The following NTMT2 variants were observed in gnomAD, a reference collection of about 807,000 sequenced individuals.
NTMT2 encodes the protein X-Pro-Lys N-terminal protein methyltransferase 1B.
A neutral mutation model predicts 23.4 loss-of-function variants in NTMT2; 21 were observed. The ratio of observed to expected loss-of-function variants is 0.90; its 90% confidence interval spans 0.64 to 1.29. The LOEUF is 1.29. Among genes scored for constraint, NTMT2 ranks in the 50% most tolerant of loss-of-function variants. The pLI is 0.00. For synonymous variants in NTMT2, 131 were observed against 127.7 expected (o/e 1.03, Z -0.17); for missense variants, 336 against 352.0 (o/e 0.95, Z 0.36).
intron 2 of NTMT2, 48 bp downstream of exon 2, chr1:170,160,741 C>T: frequency 6.9e-7 from 1 of 1,447,388 alleles, no homozygotes; most frequent in Non-Finnish European, 9.2e-7. Context: ...TCCTTGCAAA[C>T]ATTGAGCTCG....
intron 1 of NTMT2, among the ~76,000 whole-genome samples, chr1:170,160,075 C>A (rs72715956): frequency 0.058 from 8,785 of 152,106 alleles, 408 homozygotes; most frequent in Non-Finnish European, 0.091. Context: ...CCCTACCTTG[C>A]GATTAGAAGT....
At chr1:170,157,627 C>T (rs113685617) in intron 1 of NTMT2, among the ~76,000 whole-genome samples, 1 of 151,784 alleles carries the variant, frequency 6.6e-6, no homozygotes, top group Admixed American at 6.6e-5. Flanking sequence ...TTTCTGAATA[C>T]TATCCAATGT....
chr1:170,158,789 A>G (rs1033099700), intron 1 of NTMT2, among the ~76,000 whole-genome samples: 2 of 151,986 alleles, frequency 1.3e-5, no homozygotes, highest in East Asian at 1.9e-4. Flanking sequence ...TCAACTTTGT[A>G]TCTTAAAGAT....
rs933147905 is a variant in NTMT2 at position 170,164,759 on chromosome 1, C to T, written c.331-1743C>T. ...TGGAGAACTGGCTTTGGATTCAGACCGTTCCTGTTCAAATTCTAATTCTGC... is the reference window on the plus strand; with the variant it reads ...TGGAGAACTGGCTTTGGATTCAGACTGTTCCTGTTCAAATTCTAATTCTGC... On this transcript the variant is annotated intron_variant, in intron 2 of 3. Transcript: ENST00000439373. Among the ~76,000 whole-genome samples, 7 of 152,146 alleles carry T rather than the reference C, an allele frequency of 4.6e-5. No homozygotes were observed. The South Asian group carries it at 6.2e-4, about 14-fold the overall frequency.
intron 2 of NTMT2, among the ~76,000 whole-genome samples, chr1:170,162,708 A>C (rs1673296849): frequency 6.6e-6 from 1 of 152,158 alleles, no homozygotes; most frequent in Non-Finnish European, 1.5e-5. Flanking sequence ...CTGAGGCTTG[A>C]AGAGGTTAAA....
intron 1 of NTMT2, among the ~76,000 whole-genome samples, chr1:170,152,696 A>C (rs1462913813): frequency 6.6e-6 from 1 of 151,012 alleles, no homozygotes; most frequent in Admixed American, 6.6e-5. Flanking sequence ...TTTCACCAGA[A>C]ACACTGATAA....
intron 1 of NTMT2, among the ~76,000 whole-genome samples, chr1:170,154,323 C>T (rs1343862846): frequency 1.3e-5 from 2 of 151,514 alleles, no homozygotes; most frequent in African/African-American, 4.8e-5. Context: ...ACACAGAGTC[C>T]CCACTGGGGG....
In NTMT2 at chr1:170,147,061, G is replaced by A. The variant is rs542639787; in HGVS notation, c.154+800G>A. Among the ~76,000 whole-genome samples, 30 of 152,292 alleles carry A rather than the reference G, an allele frequency of 2.0e-4. No individual in the cohort carries two copies. In the South Asian group the frequency reaches 4.1e-3, roughly 21 times the overall value. On this transcript the variant is annotated intron_variant, in intron 1 of 3. Coordinates refer to ENST00000439373, the MANE Select transcript of NTMT2 (RefSeq NM_001136107.2). The stretch of plus-strand genomic sequence containing the variant: ...AGAAGGCTGTGTATCAGCCTAGTCT[G>A]TTTTCTTAAGGTCGTTTGAAAGCCC...
chr1:170,150,960 T>C (rs1482325745), intron 1 of NTMT2, among the ~76,000 whole-genome samples: 1 of 152,184 alleles, frequency 6.6e-6, no homozygotes, highest in Non-Finnish European at 1.5e-5. Flanking sequence ...TCAATGATTC[T>C]TCCAGTGCTA....
At chr1:170,159,842 G>A (rs945765492) in intron 1 of NTMT2, among the ~76,000 whole-genome samples, 1 of 152,188 alleles carries the variant, frequency 6.6e-6, no homozygotes, top group Non-Finnish European at 1.5e-5. Flanking sequence ...TTCCTCAGAA[G>A]TTGGAACACA....
At chr1:170,157,421 A>C (rs1270931256) in intron 1 of NTMT2, among the ~76,000 whole-genome samples, 3 of 152,214 alleles carry the variant, frequency 2.0e-5, no homozygotes. Context: ...GATGTGCTAC[A>C]TAGAAACTGA....
intron 1 of NTMT2, among the ~76,000 whole-genome samples, chr1:170,146,783 G>A (rs1233419120): frequency 6.6e-6 from 1 of 152,174 alleles, no homozygotes; most frequent in African/African-American, 2.4e-5. Flanking sequence ...CCTAAAAAAA[G>A]GAGATTTTAG....
At chr1:170,153,620 C>A (rs114233289) in intron 1 of NTMT2, among the ~76,000 whole-genome samples, 2,883 of 152,296 alleles carry the variant, frequency 0.019, 31 homozygotes, top group Non-Finnish European at 0.031. Flanking sequence ...AGAGTGATGA[C>A]TTAGCATATC....
chr1:170,152,066 T>C (rs1029389225), intron 1 of NTMT2, among the ~76,000 whole-genome samples: 3 of 152,274 alleles, frequency 2.0e-5, no homozygotes, highest in Admixed American at 6.5e-5. Context: ...CCATATATTA[T>C]TTAAAGAACA....
intron 2 of NTMT2, among the ~76,000 whole-genome samples, chr1:170,163,198 C>T (rs551042): frequency 0.39 from 58,561 of 151,974 alleles, 13,249 homozygotes; most frequent in East Asian, 0.69. Flanking sequence ...ACACAAGGCT[C>T]ATTGTAAAGC....
At chr1:170,154,866 T>C (rs1571820285) in intron 1 of NTMT2, among the ~76,000 whole-genome samples, 1 of 152,142 alleles carries the variant, frequency 6.6e-6, no homozygotes, top group Non-Finnish European at 1.5e-5. Context: ...CCAAATCTCA[T>C]GTTAAAATAT....
Position 170,161,058 on chromosome 1 carries a change from T to A in NTMT2, c.330+365T>A, listed in dbSNP as rs182884671. 3.9e-5 allele frequency among the ~76,000 whole-genome samples: 6 copies of A among 152,264 alleles called. No homozygotes were observed. In the East Asian group the frequency reaches 1.2e-3, roughly 29 times the overall value. ...TGATGACAGATCATGCCTTTTGGGA[T>A]CTTGGGTTGACTTATTGATTCCCTG... On this transcript the variant is annotated intron_variant, in intron 2 of 3. Coordinates refer to ENST00000439373, the MANE Select transcript of NTMT2 (RefSeq NM_001136107.2).
chr1:170,154,658 T>TACA (rs1673131383), intron 1 of NTMT2, among the ~76,000 whole-genome samples: 2 of 152,056 alleles, frequency 1.3e-5, no homozygotes, highest in Non-Finnish European at 2.9e-5. Context: ...AATAAATAAC[T>TACA]TGTTTTGATT....
intron 2 of NTMT2, among the ~76,000 whole-genome samples, chr1:170,163,113 C>T (rs1314524223): frequency 5.9e-5 from 9 of 152,146 alleles, no homozygotes; most frequent in Non-Finnish European, 1.3e-4. Flanking sequence ...AAGGAAACAG[C>T]CTTGCGCTAG....
Sources: allele counts gnomAD v4.1 joint callset (sites outside exome capture counted in the v4.1 genomes callset), GRCh38; gene constraint gnomAD v4.1.1; transcripts MANE v1.5; gene names NCBI Gene and HGNC (gene_info 2026-07-23, HGNC 2026-07-21).